The following GDF11 variants were observed in gnomAD, a reference collection of about 807,000 sequenced individuals.
GDF11 encodes growth/differentiation factor 11.
Under a neutral mutation model 34.4 loss-of-function variants are expected in GDF11, and 12 were observed. The observed-to-expected ratio is 0.35, with a 90% CI of 0.22 to 0.57. The LOEUF (loss-of-function observed/expected upper bound fraction) is 0.57. GDF11 is among the 20% of genes least tolerant of loss of function. The probability of loss-of-function intolerance (pLI) is 0.86; values close to 1 mark genes in which losing one functional copy is unlikely to be tolerated. For synonymous variants in GDF11, 212 were observed against 231.1 expected (o/e 0.92, Z 0.75); for missense variants, 346 against 548.2 (o/e 0.63, Z 3.68).
At position 55,743,481 on chromosome 12, in the gene GDF11, G is replaced by A; in HGVS notation, c.165G>A (p.Val55=). The A allele has an allele frequency of 6.6e-7, 1 of 1,511,162 alleles. No homozygotes were observed. Among genetic ancestry groups the A allele is most frequent in the South Asian group, 1.2e-5 (1 of 81,662 alleles). 93.6% of individuals were successfully genotyped at this position (1,511,162 alleles called of 1,614,324 possible). The change falls in exon 1 of 3, where the codon GTG becomes GTA. Residue 55 remains valine, a synonymous_variant. Coordinates refer to ENST00000257868, the MANE Select transcript of GDF11 (RefSeq NM_005811.5). The part of the protein sequence containing the change: ...GERSSRPAPS[V]APEPDGCPVC... ...GCTCCAGCCGGCCAGCCCCGTCCGT[G>A]GCGCCCGAGCCGGACGGCTGCCCCG...
In GDF11 at chr12:55,755,208, C is replaced by T. The variant is rs1878468337; in HGVS notation, c.*5326C>T. 6.6e-6 allele frequency: 1 copy of T among 151,914 alleles called. No homozygotes were observed. 9.4% of individuals were successfully genotyped at this position (151,914 alleles called of 1,614,324 possible). ...CCCTCACTCCTCATATCAGACACAG[C>T]AAGAGAACTCAGCTCAACACCAAGA... On this transcript the variant is annotated 3_prime_UTR_variant, in exon 3 of 3. Transcript: ENST00000257868.
In GDF11 at chr12:55,748,801, A is replaced by T; in HGVS notation, c.661A>T (p.Ile221Phe). 6.2e-7 allele frequency: 1 copy of T among 1,614,182 alleles called. No homozygotes were observed. Among genetic ancestry groups the T allele is most frequent in the Non-Finnish European group, 8.5e-7 (1 of 1,180,036 alleles). Reference sequence around the variant, plus strand: ...GGGCGGAGGCCGGCGTCACATCCGTATCCGCTCACTGAAGATTGAGCTGCA... The same window carrying T: ...GGGCGGAGGCCGGCGTCACATCCGTTTCCGCTCACTGAAGATTGAGCTGCA... ...GGGGGRRHIR[I>F]RSLKIELHSR... The change falls in exon 2 of 3, where the codon ATC becomes TTC. Residue 221 changes from isoleucine (I) to phenylalanine (F), a missense_variant. Physicochemically the swap from Ile to Phe is conservative, Grantham distance 21. Coordinates refer to ENST00000257868, the MANE Select transcript of GDF11 (RefSeq NM_005811.5). This position sits in a 1 kb window ranked among gnomAD's most constrained non-coding sequence, Gnocchi z 5.6.
chr12:55,745,345 C>CCCA (rs1241141133), intron 1 of GDF11, among the ~76,000 whole-genome samples: 1 of 152,018 alleles, frequency 6.6e-6, no homozygotes, highest in East Asian at 1.9e-4. Flanking sequence ...CAGGCCTGAG[C>CCCA]CCACCAGAGT....
Position 55,743,466 on chromosome 12 carries a change from G to T in GDF11, c.150G>T (p.Arg50=). ...GGGTCGGGGGGGAGCGCTCCAGCCG[G>T]CCAGCCCCGTCCGTGGCGCCCGAGC... ...AAGVGGERSS[R]PAPSVAPEPD... Residue 50 remains arginine (R), a synonymous_variant, in exon 1 of 3, where the codon CGG becomes CGT. Coordinates refer to ENST00000257868, the MANE Select transcript of GDF11 (RefSeq NM_005811.5). 4 of 1,444,066 alleles carry T rather than the reference G, an allele frequency of 2.8e-6. No individual in the cohort carries two copies. Among genetic ancestry groups the T allele is most frequent in the Non-Finnish European group, 3.7e-6 (4 of 1,095,390 alleles). 89.5% of individuals were successfully genotyped at this position (1,444,066 alleles called of 1,614,324 possible). A position where few individuals can be genotyped will look rare whatever the true frequency, so the allele number is the denominator to read the frequency against.
rs1878223200 is a variant in GDF11, at chr12:55,748,152, T to C, written c.446-434T>C. ...TGTGGGGGAGGGATGTGCCAGGCTCTACCTGTCCAGCAGATAAATCAGAGC... is the reference window on the plus strand; with the variant it reads ...TGTGGGGGAGGGATGTGCCAGGCTCCACCTGTCCAGCAGATAAATCAGAGC... On this transcript the variant is annotated intron_variant, in intron 1 of 2. Transcript: ENST00000257868. The surrounding 1 kb of genome is among the most constrained non-coding windows in gnomAD (Gnocchi z 5.6). Among the ~76,000 whole-genome samples the C allele has an allele frequency of 6.6e-6, 1 of 152,234 alleles. No individual in the cohort carries two copies. Among genetic ancestry groups the C allele is most frequent in the Non-Finnish European group, 1.5e-5 (1 of 68,036 alleles).
intron 1 of GDF11, 31 bp downstream of exon 1, chr12:55,743,792 G>T: frequency 4.7e-6 from 7 of 1,481,680 alleles, no homozygotes; most frequent in Non-Finnish European, 6.3e-6. Flanking sequence ...GAGCAGTGGG[G>T]TGCTGGCTCT....
chr12:55,754,672 G>A lies in GDF11; in HGVS notation c.*4790G>A, dbSNP rs1167521495. Reference sequence around the variant, plus strand: ...ATTTCCACAGTACCCTGATCACCCAGTAAAAGCTAATATTTATTGAATAAT... The same window carrying A: ...ATTTCCACAGTACCCTGATCACCCAATAAAAGCTAATATTTATTGAATAAT... On this transcript the variant is annotated 3_prime_UTR_variant, in exon 3 of 3. Coordinates refer to ENST00000257868, the MANE Select transcript of GDF11 (RefSeq NM_005811.5). The A allele has an allele frequency of 1.3e-5, 2 of 152,178 alleles. No homozygotes were observed. Among genetic ancestry groups the A allele is most frequent in the Non-Finnish European group, 2.9e-5 (2 of 68,026 alleles). The allele number at this position is 152,178 out of a possible 1,614,324, so 9.4% of individuals were successfully genotyped here.
rs745551830 is a variant in GDF11 at position 55,755,326 on chromosome 12, G to A, written c.*5444G>A. Reference sequence around the variant, plus strand: ...TTCAGCAGTTCTTAAGAGGTGGGGTGGGGGGCTGGGCAGTTTAGAGTGAGA... The same window carrying A: ...TTCAGCAGTTCTTAAGAGGTGGGGTAGGGGGCTGGGCAGTTTAGAGTGAGA... On this transcript the variant is annotated 3_prime_UTR_variant, in exon 3 of 3. Coordinates refer to ENST00000257868, the MANE Select transcript of GDF11 (RefSeq NM_005811.5). 3 of 151,958 alleles carry A rather than the reference G, an allele frequency of 2.0e-5. No individual in the cohort carries two copies. Among genetic ancestry groups the A allele is most frequent in the Non-Finnish European group, 4.4e-5 (3 of 67,990 alleles). The allele number at this position is 151,958 out of a possible 1,614,324, so 9.4% of individuals were successfully genotyped here.
chr12:55,745,882 C>T (rs935532778), intron 1 of GDF11, among the ~76,000 whole-genome samples: 22 of 152,072 alleles, frequency 1.4e-4, no homozygotes, highest in Non-Finnish European at 2.4e-4. Flanking sequence ...CCAAGCCCAG[C>T]CCGAGTTTCT....
Position 55,743,592 on chromosome 12 carries a change from G to A in GDF11, c.276G>A (p.Ala92=), listed in dbSNP as rs1354705147. The A allele has an allele frequency of 3.1e-6, 5 of 1,605,036 alleles. No individual in the cohort carries two copies. The highest frequency in any genetic ancestry group is 3.4e-6 in the Non-Finnish European group (4 of 1,179,788). ...QILSKLRLKE[A]PNISREVVKQ... ...TGAGCAAACTGCGGCTCAAGGAGGC[G>A]CCCAACATCAGCCGCGAGGTGGTGA... The change falls in exon 1 of 3, where the codon GCG becomes GCA. Residue 92 remains alanine, a synonymous_variant. Transcript: ENST00000257868.
intron 1 of GDF11, among the ~76,000 whole-genome samples, chr12:55,746,450 C>A (rs1316369412): frequency 6.6e-6 from 1 of 152,204 alleles, no homozygotes; most frequent in Non-Finnish European, 1.5e-5. Context: ...ATGCCTTCAA[C>A]TCTTAACAGT....
chr12:55,744,808 T>A (rs1878146469), intron 1 of GDF11, among the ~76,000 whole-genome samples: 1 of 151,996 alleles, frequency 6.6e-6, no homozygotes, highest in Admixed American at 6.5e-5. Flanking sequence ...AGTTTGGTTT[T>A]ATGGCTGTGA....
Position 55,754,088 on chromosome 12 carries a change from C to T in GDF11, c.*4206C>T, listed in dbSNP as rs1374044612. On this transcript the variant is annotated 3_prime_UTR_variant, in exon 3 of 3. Transcript: ENST00000257868. ...CCCTGTCTTATCAGTTCTATCAGCA[C>T]ACTGACCCCACTCGAGACCAACTAC... 6.6e-6 allele frequency: 1 copy of T among 152,236 alleles called. No homozygotes were observed. The highest frequency in any genetic ancestry group is 1.5e-5 in the Non-Finnish European group (1 of 68,060). The allele number at this position is 152,236 out of a possible 1,614,324, so 9.4% of individuals were successfully genotyped here. A position where few individuals can be genotyped will look rare whatever the true frequency, so the allele number is the denominator to read the frequency against.
Position 55,749,525 on chromosome 12 carries a change from C to T in GDF11, c.867C>T (p.Val289=). ...AGCATCCATTCATGGAGCTTCGAGT[C>T]CTAGAGAACACAAAACGTTCCCGGC... ...EGLHPFMELR[V]LENTKRSRRN... is the part of the protein sequence containing the mutation. The change falls in exon 3 of 3, where the codon GTC becomes GTT. Residue 289 remains valine (V), a synonymous_variant. Coordinates refer to ENST00000257868, the MANE Select transcript of GDF11 (RefSeq NM_005811.5). The surrounding 1 kb of genome is among the most constrained non-coding windows in gnomAD (Gnocchi z 5.6). 2 of 1,612,074 alleles carry T rather than the reference C, an allele frequency of 1.2e-6. No homozygotes were observed. The highest frequency in any genetic ancestry group is 3.3e-5 in the Admixed American group (2 of 59,964).
At position 55,755,811 on chromosome 12, in the gene GDF11, C is replaced by T. The variant is rs960553222; in HGVS notation, c.*5929C>T. ...AATAAGAAAAAAAAAAAAATCCTCA[C>T]AAATTGGAAAACACTGTTCAAAGAT... On this transcript the variant is annotated 3_prime_UTR_variant, in exon 3 of 3. Transcript: ENST00000257868. 1 of 150,980 alleles carries T rather than the reference C, an allele frequency of 6.6e-6. No individual in the cohort carries two copies. The highest frequency in any genetic ancestry group is 1.5e-5 in the Non-Finnish European group (1 of 67,808). The allele number at this position is 150,980 out of a possible 1,614,324, so 9.4% of individuals were successfully genotyped here. A position where few individuals can be genotyped will look rare whatever the true frequency, so the allele number is the denominator to read the frequency against.
Position 55,749,424 on chromosome 12 carries a change from T to TG in GDF11, c.844-76dup. 6.9e-7 allele frequency: 1 copy of TG among 1,445,240 alleles called. No individual in the cohort carries two copies. The highest frequency in any genetic ancestry group is 1.4e-5 in the South Asian group (1 of 73,874). The allele number at this position is 1,445,240 out of a possible 1,614,324, so 89.5% of individuals were successfully genotyped here. On this transcript the variant is annotated intron_variant, in intron 2 of 2. Transcript: ENST00000257868. This position sits in a 1 kb window ranked among gnomAD's most constrained non-coding sequence, Gnocchi z 5.6. ...TCAGCAGTCTCTATTCTGATGCCCCTGGCAGGTGGGAAAGGAACAGGGAAG... is the reference window on the plus strand; with the variant it reads ...TCAGCAGTCTCTATTCTGATGCCCCTGGGCAGGTGGGAAAGGAACAGGGAAG...
At position 55,755,347 on chromosome 12, in the gene GDF11, T is replaced by G. The variant is rs997771785; in HGVS notation, c.*5465T>G. On this transcript the variant is annotated 3_prime_UTR_variant, in exon 3 of 3. Transcript: ENST00000257868. ...GGGTGGGGGGCTGGGCAGTTTAGAGTGAGAGTGGAAAAAAAGAATAATCCT... is the reference window on the plus strand; with the variant it reads ...GGGTGGGGGGCTGGGCAGTTTAGAGGGAGAGTGGAAAAAAAGAATAATCCT... 6.6e-6 allele frequency: 1 copy of G among 151,002 alleles called. No individual in the cohort carries two copies. 9.4% of individuals were successfully genotyped at this position (151,002 alleles called of 1,614,324 possible). A position where few individuals can be genotyped will look rare whatever the true frequency, so the allele number is the denominator to read the frequency against.
intron 1 of GDF11, among the ~76,000 whole-genome samples, chr12:55,743,964 C>G (rs1202829630): frequency 6.6e-6 from 1 of 152,194 alleles, no homozygotes; most frequent in Non-Finnish European, 1.5e-5. Flanking sequence ...ACGCCTAGTT[C>G]CCGGAGGTTG....
In GDF11 at chr12:55,755,105, A is replaced by C. The variant is rs1039740965; in HGVS notation, c.*5223A>C. The C allele has an allele frequency of 1.3e-5, 2 of 152,238 alleles. No homozygotes were observed. The highest frequency in any genetic ancestry group is 4.8e-5 in the African/African-American group (2 of 41,452). The allele number at this position is 152,238 out of a possible 1,614,324, so 9.4% of individuals were successfully genotyped here. ...GGAGGTTAAATTTTGGGGGGATTCC[A>C]ATAATCAGAAATAAGTGGCATTGCC... On this transcript the variant is annotated 3_prime_UTR_variant, in exon 3 of 3. Transcript: ENST00000257868.
Sources: gnomAD v4.1 joint callset for allele counts (sites outside exome capture counted in the v4.1 genomes callset) on GRCh38, gnomAD v4.1.1 for gene constraint, Gnocchi (gnomAD v3.1) non-coding constraint, MANE v1.5 for transcripts, NCBI Gene and HGNC (gene_info 2026-07-23, HGNC 2026-07-21) for gene names.